The following GBF1 variants were observed in gnomAD, a reference collection of about 807,000 sequenced individuals.
The protein encoded by GBF1 is golgi brefeldin A resistant guanine nucleotide exchange factor 1.
In GBF1, 114 loss-of-function variants were observed where a neutral mutation model predicts 210.5. The ratio of observed to expected loss-of-function variants is 0.54; its 90% CI spans 0.47 to 0.63. The LOEUF (loss-of-function observed/expected upper bound fraction) is 0.63. Ranked by LOEUF, GBF1 falls within the 30% of genes least tolerant of loss-of-function variation. GBF1 has a pLI of 0.00. For missense variants in GBF1, 1,851 were observed against 2,357.7 expected (o/e 0.79, Z 4.45); for synonymous variants, 850 against 889.2 (o/e 0.96, Z 0.78).
At chr10:102,256,610 C>T (rs2072425095) in intron 1 of GBF1, among the ~76,000 whole-genome samples, 2 of 150,842 alleles carry the variant, frequency 1.3e-5, no homozygotes, top group African/African-American at 2.4e-5. Flanking sequence ...ACCTCTGCCT[C>T]CCAGGTTCCA....
chr10:102,376,908 A>G (rs752990737), intron 32 of GBF1, 27 bp from the exon 33 acceptor site: 11 of 1,611,902 alleles, frequency 6.8e-6, no homozygotes, highest in South Asian at 2.2e-5. Context: ...AGACACAGAA[A>G]TGTGACCTGA....
Position 102,380,605 on chromosome 10 carries a change from C to T in GBF1, c.5092C>T (p.Leu1698Phe), listed in dbSNP as rs775719059. ...TGCACGGGGAGGCGGCCCCTCGGCCCTCTGGGAGATCACCTGGGAACGCAT... is the reference window on the plus strand; with the variant it reads ...TGCACGGGGAGGCGGCCCCTCGGCCTTCTGGGAGATCACCTGGGAACGCAT... ...ADARGGGPSA[L>F]WEITWERIDC... is the part of the protein sequence containing the mutation. Residue 1698 changes from leucine (L) to phenylalanine (F), a missense_variant, in exon 38 of 40, where the codon CTC becomes TTC. By Grantham distance (22) the Leu-to-Phe change is conservative. This residue lies in a region of GBF1 where 967 missense variants were observed against 1,247.7 expected (regional missense o/e 0.78). Transcript: ENST00000369983. 6.2e-7 allele frequency: 1 copy of T among 1,614,050 alleles called. No homozygotes were observed. The highest frequency in any genetic ancestry group is 8.5e-7 in the Non-Finnish European group (1 of 1,179,926).
intron 3 of GBF1, among the ~76,000 whole-genome samples, chr10:102,291,251 A>G (rs759003346): frequency 2.0e-5 from 3 of 152,150 alleles, no homozygotes; most frequent in Non-Finnish European, 4.4e-5. Context: ...TCAAACCTAA[A>G]TAGGTAGTGG....
chr10:102,302,861 A>G (rs2077503068), intron 3 of GBF1, among the ~76,000 whole-genome samples: 1 of 152,138 alleles, frequency 6.6e-6, no homozygotes, highest in Non-Finnish European at 1.5e-5. Flanking sequence ...AGCCCCCATG[A>G]TGAAGAATTA....
Position 102,370,086 on chromosome 10 carries a change from T to C in GBF1, c.3340-88T>C, listed in dbSNP as rs918130341. 25 of 1,511,894 alleles carry C rather than the reference T, an allele frequency of 1.7e-5. No homozygotes were observed. The African/African-American group carries it at 3.3e-4, about 20-fold the overall frequency. 93.7% of individuals were successfully genotyped at this position (1,511,894 alleles called of 1,614,324 possible). A position where few individuals can be genotyped will look rare whatever the true frequency, so the allele number is the denominator to read the frequency against. On this transcript the variant is annotated intron_variant, in intron 26 of 39. Coordinates refer to ENST00000369983, the MANE Select transcript of GBF1 (RefSeq NM_001377137.1). ...ATCATCCAGGATTTGTAACCAGGGC[T>C]GACTCTGCCCTCTCCCCCTGGCTCT... is the stretch of plus-strand genomic sequence containing the variant.
At chr10:102,310,953 T>G (rs1469617607) in intron 3 of GBF1, among the ~76,000 whole-genome samples, 1 of 152,240 alleles carries the variant, frequency 6.6e-6, no homozygotes, top group Non-Finnish European at 1.5e-5. Flanking sequence ...CCTGTGTACA[T>G]GATGGCCTGG....
At chr10:102,272,211 T>C (rs998614592) in intron 3 of GBF1, among the ~76,000 whole-genome samples, 2 of 151,634 alleles carry the variant, frequency 1.3e-5, no homozygotes, top group Admixed American at 1.3e-4. Flanking sequence ...TTCAAGTGAT[T>C]CTCCTGCCTC....
chr10:102,356,426 G>C (rs991595734), intron 8 of GBF1, among the ~76,000 whole-genome samples: 1 of 152,182 alleles, frequency 6.6e-6, no homozygotes, highest in African/African-American at 2.4e-5. Flanking sequence ...GAATGACTTT[G>C]TAGAGGGACT....
At position 102,259,011 on chromosome 10, in the gene GBF1, C is replaced by A. The variant is rs777280189; in HGVS notation, c.73C>A (p.Arg25=). 7 of 1,586,880 alleles carry A rather than the reference C, an allele frequency of 4.4e-6. No homozygotes were observed. The East Asian group carries it at 1.3e-4, about 30-fold the overall frequency. ...IVVGAIKRNA[R]WSTHTPLDEE... is the part of the protein sequence containing the mutation. The stretch of plus-strand genomic sequence containing the variant: ...GGTTGGGGCCATCAAACGAAATGCC[C>A]GATGGAGCACCCATACACCACTGGT... The change falls in exon 2 of 40, where the codon CGA becomes AGA. Residue 25 remains arginine, a synonymous_variant. Coordinates refer to ENST00000369983, the MANE Select transcript of GBF1 (RefSeq NM_001377137.1).
At chr10:102,290,997 G>A (rs989453594) in intron 3 of GBF1, among the ~76,000 whole-genome samples, 1 of 152,046 alleles carries the variant, frequency 6.6e-6, no homozygotes, top group African/African-American at 2.4e-5. Flanking sequence ...TTACTGTTTG[G>A]GGTTTTTCCT....
intron 3 of GBF1, among the ~76,000 whole-genome samples, chr10:102,337,674 TGAA>T (rs2057862037): frequency 6.6e-6 from 1 of 151,820 alleles, no homozygotes; most frequent in Admixed American, 6.6e-5. Flanking sequence ...CTGGCCAACA[TGAA>T]GAAACCCCAT....
rs556165238 is a variant in GBF1, at chr10:102,263,126, G to A, written c.163+3010G>A. 2.0e-5 allele frequency among the ~76,000 whole-genome samples: 3 copies of A among 152,234 alleles called. No individual in the cohort carries two copies. The East Asian group carries it at 5.8e-4, about 29-fold the overall frequency. On this transcript the variant is annotated intron_variant, in intron 3 of 39. Transcript: ENST00000369983. Reference sequence around the variant, plus strand: ...TGCTTCTGACCCCACACACAGTGCCGGCTCCCAGGAGCAGGTTTATGGGTC... The same window carrying A: ...TGCTTCTGACCCCACACACAGTGCCAGCTCCCAGGAGCAGGTTTATGGGTC...
upstream of GBF1, among the ~76,000 whole-genome samples, chr10:102,241,732 C>T (rs1041340492): frequency 6.6e-6 from 1 of 152,248 alleles, no homozygotes; most frequent in African/African-American, 2.4e-5. The surrounding 1 kb of genome is among the most constrained non-coding windows in gnomAD (Gnocchi z 6.7). Context: ...TTCAGCAACT[C>T]GGCCGCGCCC....
intron 3 of GBF1, among the ~76,000 whole-genome samples, chr10:102,304,155 A>G (rs191681770): frequency 6.6e-6 from 1 of 152,328 alleles, no homozygotes; most frequent in East Asian, 1.9e-4. Context: ...AAGCCAATAT[A>G]TACTTAAGGG....
rs753594129 is a variant in GBF1 at position 102,373,128 on chromosome 10, CTG to C, written c.3661-2229_3661-2228del. Among the ~76,000 whole-genome samples, 42 of 152,208 alleles carry C rather than the reference CTG, an allele frequency of 2.8e-4. No homozygotes were observed. The Middle Eastern group carries it at 0.01, about 37-fold the overall frequency. On this transcript the variant is annotated intron_variant, in intron 29 of 39. Transcript: ENST00000369983. ...AAATCACATATTTGAAGAAAGGTAT[CTG>C]TAATATAAAAACTCTCAAAACACAA...
At chr10:102,358,848 C>T (rs2059434974) in intron 10 of GBF1, 119 bp downstream of exon 10, 9 of 664,588 alleles carry the variant, frequency 1.4e-5, no homozygotes, top group Non-Finnish European at 2.1e-5. Flanking sequence ...TCAAAAGAAG[C>T]TCTGATCTTT....
chr10:102,377,034 C>T lies in GBF1; in HGVS notation c.4388C>T (p.Pro1463Leu), dbSNP rs2060541490. The T allele has an allele frequency of 1.2e-6, 2 of 1,614,138 alleles. No homozygotes were observed. Among genetic ancestry groups the T allele is most frequent in the Non-Finnish European group, 1.7e-6 (2 of 1,179,974 alleles). The change falls in exon 33 of 40, where the codon CCT becomes CTT. Residue 1463 changes from proline to leucine, a missense_variant. Pro to Leu is a moderately conservative substitution (Grantham distance 98, BLOSUM62 -3). Transcript: ENST00000369983. The part of the protein sequence containing the change: ...KSKEGSMLRR[P>L]RTSSQHASRG... ...AAAGAGGGATCAATGCTTCGCCGGCCTCGAACCTCCAGCCAACATGCCTCT... is the reference window on the plus strand; with the variant it reads ...AAAGAGGGATCAATGCTTCGCCGGCTTCGAACCTCCAGCCAACATGCCTCT...
intron 3 of GBF1, among the ~76,000 whole-genome samples, chr10:102,320,128 T>G (rs182985055): frequency 1.3e-5 from 2 of 152,316 alleles, no homozygotes; most frequent in East Asian, 3.9e-4. Context: ...ATGGTTTTTT[T>G]AGACATTGCT....
intron 17 of GBF1, among the ~76,000 whole-genome samples, chr10:102,364,639 A>G (rs1360835753): frequency 1.3e-5 from 2 of 151,374 alleles, no homozygotes; most frequent in Non-Finnish European, 2.9e-5. Context: ...ACCTGAGGTC[A>G]GGAGTTTGAG....
Sources: gnomAD v4.1 joint callset for allele counts (sites outside exome capture counted in the v4.1 genomes callset) on GRCh38, gnomAD v4.1.1 for gene constraint, gnomAD v4.1.1 regional missense constraint, Gnocchi (gnomAD v3.1) non-coding constraint, MANE v1.5 for transcripts, NCBI Gene and HGNC (gene_info 2026-07-23, HGNC 2026-07-21) for gene names.